ZNF704: variants seen among roughly 807,000 people sequenced by gnomAD.
ZNF704 encodes the protein glucocorticoid induced gene 1.
In ZNF704, 10 loss-of-function variants were observed where a neutral mutation model predicts 44.7. The observed-to-expected ratio is 0.22, with a 90% CI of 0.14 to 0.38. The LOEUF (loss-of-function observed/expected upper bound fraction) is 0.38. ZNF704 is among the 10% of genes least tolerant of loss of function. The pLI, the probability that ZNF704 is intolerant of heterozygous loss-of-function variation, is 1.00. For synonymous variants in ZNF704, 211 were observed against 207.6 expected (o/e 1.02, Z -0.14); for missense variants, 390 against 545.5 (o/e 0.71, Z 2.84).
chr8:80,799,258 C>T (rs942500631), intron 2 of ZNF704, among the ~76,000 whole-genome samples: 6 of 152,136 alleles, frequency 3.9e-5, no homozygotes, highest in African/African-American at 1.2e-4. Context: ...TAAAAAGTTA[C>T]AAGGAATAAT....
intron 2 of ZNF704, among the ~76,000 whole-genome samples, chr8:80,717,421 C>A (rs2131666153): frequency 6.6e-6 from 1 of 152,342 alleles, no homozygotes; most frequent in Admixed American, 6.5e-5. Context: ...CTGCAGACTG[C>A]AAAACTGGGT....
At chr8:80,808,491 C>T (rs1166024546) in intron 2 of ZNF704, among the ~76,000 whole-genome samples, 2 of 152,178 alleles carry the variant, frequency 1.3e-5, no homozygotes, top group Non-Finnish European at 2.9e-5. Context: ...AATATGACTA[C>T]ACTGTTTGTT....
chr8:80,746,313 TATATTTTTGGATGTA>T (rs1467794009), intron 2 of ZNF704, among the ~76,000 whole-genome samples: 3 of 152,222 alleles, frequency 2.0e-5, no homozygotes, highest in African/African-American at 7.2e-5. Flanking sequence ...AAGCACAGTA[TATATTTTTGGATGTA>T]ATATAAAAAA....
In ZNF704 at chr8:80,632,150, G is replaced by A. The variant is rs1400902906; in HGVS notation, c.*9216C>T. On this transcript the variant is annotated 3_prime_UTR_variant, in exon 9 of 9. Transcript: ENST00000327835. ...TAGAGAGAATTCAGAAGAAATAGATGAGCACCTTTGTTTTTTTCTGTTTAA... is the reference window on the plus strand; with the variant it reads ...TAGAGAGAATTCAGAAGAAATAGATAAGCACCTTTGTTTTTTTCTGTTTAA... 1 of 152,090 alleles carries A rather than the reference G, an allele frequency of 6.6e-6. No homozygotes were observed. The highest frequency in any genetic ancestry group is 2.4e-5 in the African/African-American group (1 of 41,416). The allele number at this position is 152,090 out of a possible 1,614,324, so 9.4% of individuals were successfully genotyped here. A position where few individuals can be genotyped will look rare whatever the true frequency, so the allele number is the denominator to read the frequency against.
At chr8:80,858,378 C>G (rs1385362199) in intron 1 of ZNF704, among the ~76,000 whole-genome samples, 1 of 152,206 alleles carries the variant, frequency 6.6e-6, no homozygotes, top group Non-Finnish European at 1.5e-5. Context: ...CCTTTTCAAT[C>G]AGTTAAACTA....
At chr8:80,675,468 G>GTTT (rs1056769113) in intron 4 of ZNF704, among the ~76,000 whole-genome samples, 7 of 143,602 alleles carry the variant, frequency 4.9e-5, no homozygotes, top group African/African-American at 2.1e-4. Context: ...CTTAAGTTTT[G>GTTT]TTTTGTTTTT....
At chr8:80,672,620 C>T (rs946080823) in intron 4 of ZNF704, among the ~76,000 whole-genome samples, 5 of 152,088 alleles carry the variant, frequency 3.3e-5, no homozygotes, top group East Asian at 1.9e-4. Flanking sequence ...GCAAAATGGA[C>T]GCAGCTGGAG....
At chr8:80,703,970 A>G (rs796948980) in intron 2 of ZNF704, among the ~76,000 whole-genome samples, 5 of 152,268 alleles carry the variant, frequency 3.3e-5, no homozygotes, top group African/African-American at 1.2e-4. Context: ...AATTCCTCAA[A>G]AATTCAAGTA....
At chr8:80,880,520 C>A in the ZNF704 span, among the ~76,000 whole-genome samples, 71 of 152,306 alleles carry the variant, frequency 4.7e-4, no homozygotes, top group Admixed American at 1.2e-3. Context: ...ATTTTCATTT[C>A]TTTTCTATGC....
chr8:80,877,185 GAAAA>G (rs5892744), upstream of ZNF704, among the ~76,000 whole-genome samples: 278 of 59,710 alleles, frequency 4.7e-3, 1 homozygote, highest in African/African-American at 0.016. Context: ...CTCTGAATGG[GAAAA>G]AAAAAAAAAA....
intron 2 of ZNF704, among the ~76,000 whole-genome samples, chr8:80,786,665 C>G (rs143907908): frequency 1.3e-5 from 2 of 152,114 alleles, no homozygotes; most frequent in Non-Finnish European, 2.9e-5. Context: ...GAGAAATGTG[C>G]TGGTCTTGAA....
At chr8:80,852,407 A>C (rs1199439408) in intron 1 of ZNF704, among the ~76,000 whole-genome samples, 1 of 152,206 alleles carries the variant, frequency 6.6e-6, no homozygotes, top group African/African-American at 2.4e-5. Context: ...TTGACTGATA[A>C]ACTTTAATAA....
rs1254613224 is a variant in ZNF704 at position 80,639,464 on chromosome 8, A to G, written c.*1902T>C. The G allele has an allele frequency of 6.6e-6, 1 of 152,234 alleles. No homozygotes were observed. The highest frequency in any genetic ancestry group is 1.5e-5 in the Non-Finnish European group (1 of 68,042). The allele number at this position is 152,234 out of a possible 1,614,324, so 9.4% of individuals were successfully genotyped here. A position where few individuals can be genotyped will look rare whatever the true frequency, so the allele number is the denominator to read the frequency against. ...GGCTGACCTTGTCAGTCTAAAACAT[A>G]CAGTATTGCTGGTGCTGTGACTAGT... On this transcript the variant is annotated 3_prime_UTR_variant, in exon 9 of 9. Coordinates refer to ENST00000327835, the MANE Select transcript of ZNF704 (RefSeq NM_001033723.3).
chr8:80,822,277 CCA>C (rs1808287947), intron 1 of ZNF704, among the ~76,000 whole-genome samples: 2 of 151,186 alleles, frequency 1.3e-5, no homozygotes, highest in African/African-American at 4.9e-5. Context: ...CCCCCCGCCC[CCA>C]ACCCATGACA....
At chr8:80,850,505 A>G (rs1418130873) in intron 1 of ZNF704, among the ~76,000 whole-genome samples, 1 of 152,130 alleles carries the variant, frequency 6.6e-6, no homozygotes, top group Non-Finnish European at 1.5e-5. Flanking sequence ...TGGCACTAAC[A>G]CCAGGCTCCA....
chr8:80,873,984 G>A (rs947455522), intron 1 of ZNF704, among the ~76,000 whole-genome samples: 2 of 146,304 alleles, frequency 1.4e-5, no homozygotes, highest in African/African-American at 4.9e-5. Context: ...GCAGGCTGCA[G>A]CGCGGCGCCC....
intron 2 of ZNF704, among the ~76,000 whole-genome samples, chr8:80,746,928 C>G (rs1274940181): frequency 1.3e-5 from 2 of 152,060 alleles, no homozygotes; most frequent in African/African-American, 4.8e-5. Context: ...TCCATAAAGT[C>G]CTTCATAATA....
At chr8:80,819,752 T>C (rs1015444942) in intron 2 of ZNF704, among the ~76,000 whole-genome samples, 1 of 151,996 alleles carries the variant, frequency 6.6e-6, no homozygotes, top group African/African-American at 2.4e-5. Context: ...GAAAAGCAAA[T>C]AATTCCAAGT....
intron 1 of ZNF704, among the ~76,000 whole-genome samples, chr8:80,827,967 C>T (rs1808407333): frequency 1.3e-5 from 2 of 152,124 alleles, no homozygotes; most frequent in African/African-American, 4.8e-5. Context: ...ACCATAAAAA[C>T]CCTAGAAGAA....
Sources: gnomAD v4.1 joint callset for allele counts (sites outside exome capture counted in the v4.1 genomes callset) on GRCh38, gnomAD v4.1.1 for gene constraint, MANE v1.5 for transcripts, NCBI Gene and HGNC (gene_info 2026-07-23, HGNC 2026-07-21) for gene names.